Variants in GPR137C observed in about 807,000 individuals in gnomAD.
GPR137C encodes G protein-coupled receptor 137C.
A neutral mutation model predicts 43.4 loss-of-function variants in GPR137C; 27 were observed. That is an observed-to-expected ratio of 0.62 (90% confidence interval 0.46 to 0.86). The LOEUF (loss-of-function observed/expected upper bound fraction) is 0.86, where lower values mean the gene tolerates loss of function less well. Among genes scored for constraint, GPR137C ranks in the 40% least tolerant of loss-of-function variants. The probability of loss-of-function intolerance (pLI) is 0.00; values close to 1 mark genes in which losing one functional copy is unlikely to be tolerated. For synonymous variants in GPR137C, 285 were observed against 226.9 expected (o/e 1.26, Z -2.30); for missense variants, 522 against 534.6 (o/e 0.98, Z 0.23).
intron 3 of GPR137C, among the ~76,000 whole-genome samples, chr14:52,614,649 G>A (rs184234447): frequency 7.7e-4 from 117 of 151,778 alleles, no homozygotes; most frequent in Admixed American, 1.2e-3. Flanking sequence ...CACCATGCCC[G>A]ACTAATTTTT....
At chr14:52,576,461 C>T (rs1194680559) in intron 1 of GPR137C, among the ~76,000 whole-genome samples, 1 of 152,298 alleles carries the variant, frequency 6.6e-6, no homozygotes, top group East Asian at 1.9e-4. Flanking sequence ...ATAAGAATTT[C>T]TTTCCCTTTG....
rs996727468 is a variant in GPR137C at position 52,637,589 on chromosome 14, C to T, written c.*2474C>T. 2 of 152,052 alleles carry T rather than the reference C, an allele frequency of 1.3e-5. No individual in the cohort carries two copies. The highest frequency in any genetic ancestry group is 2.9e-5 in the Non-Finnish European group (2 of 67,994). 9.4% of individuals were successfully genotyped at this position (152,052 alleles called of 1,614,324 possible). On this transcript the variant is annotated 3_prime_UTR_variant, in exon 7 of 7. Transcript: ENST00000321662. The stretch of plus-strand genomic sequence containing the variant: ...TTTTTTATTGTTTAACAGTGTTTCT[C>T]AGCTATATAATCAGTTTCAAACTGG...
At chr14:52,604,039 G>A (rs996052763) in intron 3 of GPR137C, among the ~76,000 whole-genome samples, 1 of 152,078 alleles carries the variant, frequency 6.6e-6, no homozygotes, top group Non-Finnish European at 1.5e-5. Flanking sequence ...TCATTTAACT[G>A]TTGGCCATTT....
At chr14:52,572,387 A>T (rs1438545013) in intron 1 of GPR137C, among the ~76,000 whole-genome samples, 1 of 152,228 alleles carries the variant, frequency 6.6e-6, no homozygotes, top group Non-Finnish European at 1.5e-5. Context: ...CACATCAAAA[A>T]GCTTATCCAC....
At chr14:52,612,513 A>G in intron 3 of GPR137C, 1 of 983,462 alleles carries the variant, frequency 1.0e-6, no homozygotes, top group Non-Finnish European at 1.2e-6. Flanking sequence ...TGTGTATCCC[A>G]GCCTCAGTTT....
intron 1 of GPR137C, among the ~76,000 whole-genome samples, chr14:52,584,409 C>T (rs762098007): frequency 2.0e-5 from 3 of 152,110 alleles, no homozygotes; most frequent in Non-Finnish European, 4.4e-5. Flanking sequence ...ATAACAAGGG[C>T]GGTGTCATTC....
Position 52,600,109 on chromosome 14 carries a change from T to G in GPR137C, c.489-4T>G, listed in dbSNP as rs2038905726. 1.2e-6 allele frequency: 2 copies of G among 1,603,720 alleles called. No homozygotes were observed. The highest frequency in any genetic ancestry group is 1.7e-6 in the Non-Finnish European group (2 of 1,171,502). The stretch of plus-strand genomic sequence containing the variant: ...AACCATCTAATATACTTTTTTTCTT[T>G]CAGAATTCTACTGCATTTGGGCTTT... On this transcript the variant is annotated splice_region_variant and splice_polypyrimidine_tract_variant and intron_variant, in intron 2 of 6. Coordinates refer to ENST00000321662, the MANE Select transcript of GPR137C (RefSeq NM_001099652.2).
intron 3 of GPR137C, among the ~76,000 whole-genome samples, chr14:52,625,308 C>T (rs2039209423): frequency 6.6e-6 from 1 of 151,472 alleles, no homozygotes. Flanking sequence ...ATGGTAAAAC[C>T]CCATCTCTAC....
At chr14:52,592,188 C>G (rs2038793145) in intron 1 of GPR137C, among the ~76,000 whole-genome samples, 2 of 152,196 alleles carry the variant, frequency 1.3e-5, no homozygotes, top group African/African-American at 4.8e-5. Context: ...GTCTATATAT[C>G]TGTTTTGGTA....
chr14:52,576,185 C>G (rs1368607740), intron 1 of GPR137C, among the ~76,000 whole-genome samples: 2 of 152,206 alleles, frequency 1.3e-5, no homozygotes, highest in African/African-American at 2.4e-5. Context: ...CATGTGTACC[C>G]TTTGTTTAAC....
chr14:52,561,541 A>G (rs529015711), intron 1 of GPR137C, among the ~76,000 whole-genome samples: 36 of 152,222 alleles, frequency 2.4e-4, no homozygotes, highest in Non-Finnish European at 3.8e-4. Flanking sequence ...GATGTACATA[A>G]TAGCTTTATT....
rs75623256 is a variant in GPR137C, at chr14:52,564,523, T to C, written c.444+10932T>C. On this transcript the variant is annotated intron_variant, in intron 1 of 6. Transcript: ENST00000321662. ...TACTTAGAATGTTCTTTCCTCCTCC[T>C]TTGCTTAGTTAACTCTCAACTCCAG... Among the ~76,000 whole-genome samples, 721 of 152,194 alleles carry C rather than the reference T, an allele frequency of 4.7e-3. 13 individuals carry two copies. Among genetic ancestry groups the C allele is most frequent in the Admixed American group, 0.039 (593 of 15,282 alleles).
chr14:52,553,684 G>C, intron 1 of GPR137C, 93 bp downstream of exon 1: 395 of 508,248 alleles, frequency 7.8e-4, no homozygotes, highest in Non-Finnish European at 1.1e-3. Context: ...CGGGGGGTGG[G>C]CAGCGAGAGG....
At chr14:52,592,426 T>G (rs2139509727) in intron 1 of GPR137C, among the ~76,000 whole-genome samples, 1 of 152,308 alleles carries the variant, frequency 6.6e-6, no homozygotes, top group East Asian at 1.9e-4. Flanking sequence ...TTGGGCAGTA[T>G]GGGCATTTTC....
intron 1 of GPR137C, among the ~76,000 whole-genome samples, chr14:52,590,710 G>A (rs1344835383): frequency 1.3e-5 from 2 of 152,170 alleles, no homozygotes; most frequent in Non-Finnish European, 2.9e-5. Context: ...GTACAGGTTT[G>A]TAGCCTAGGA....
At chr14:52,629,864 A>G (rs2039274761) in intron 3 of GPR137C, among the ~76,000 whole-genome samples, 2 of 152,216 alleles carry the variant, frequency 1.3e-5, no homozygotes, top group African/African-American at 2.4e-5. Context: ...TGTTATGGAT[A>G]CTGAGGTGTT....
chr14:52,615,467 G>GGT (rs2039088310), intron 3 of GPR137C, among the ~76,000 whole-genome samples: 1 of 140,390 alleles, frequency 7.1e-6, no homozygotes, highest in Non-Finnish European at 1.5e-5. Context: ...ACATTTTAGG[G>GGT]TTTTTTTTTT....
At chr14:52,617,012 A>G (rs2039107290) in intron 3 of GPR137C, among the ~76,000 whole-genome samples, 1 of 152,236 alleles carries the variant, frequency 6.6e-6, no homozygotes, top group Non-Finnish European at 1.5e-5. Flanking sequence ...TCCAGAAAAG[A>G]TATTTTGCCC....
At chr14:52,623,258 A>G (rs961275651) in intron 3 of GPR137C, among the ~76,000 whole-genome samples, 1 of 151,820 alleles carries the variant, frequency 6.6e-6, no homozygotes, top group African/African-American at 2.4e-5. Flanking sequence ...TTTCAGTTAA[A>G]TCCTTAAATC....
Sources: allele counts gnomAD v4.1 joint callset (sites outside exome capture counted in the v4.1 genomes callset), GRCh38; gene constraint gnomAD v4.1.1; transcripts MANE v1.5; gene names NCBI Gene and HGNC (gene_info 2026-07-23, HGNC 2026-07-21).